The following AGBL4 variants were observed in gnomAD, a reference collection of about 807,000 sequenced individuals.
The protein encoded by AGBL4 is cytosolic carboxypeptidase 6.
AGBL4 carries 58 observed loss-of-function variants against 66.4 expected under a neutral mutation model. The ratio of observed to expected loss-of-function variants is 0.87; its 90% CI spans 0.71 to 1.09. The LOEUF (loss-of-function observed/expected upper bound fraction) is 1.09, where lower values mean the gene tolerates loss of function less well. AGBL4 is among the 50% of genes least tolerant of loss of function. The pLI is 0.00. For missense variants in AGBL4, 579 were observed against 631.0 expected (o/e 0.92, Z 0.88); for synonymous variants, 234 against 222.9 (o/e 1.05, Z -0.44).
rs1234816363 is a variant in AGBL4, at chr1:49,219,200, C to T, written c.377+26570G>A. On this transcript the variant is annotated intron_variant, in intron 4 of 13. Transcript: ENST00000371839. ...TTCTATGATGCACAGGATTGTCACC[C>T]ATCATGGGACAACACATTCTTCTTT... Among the ~76,000 whole-genome samples the T allele has an allele frequency of 3.3e-5, 5 of 152,116 alleles. No homozygotes were observed. In the East Asian group the frequency reaches 9.7e-4, roughly 29 times the overall value.
Position 48,533,781 on chromosome 1 carries a change from T to A in AGBL4, c.*392A>T, listed in dbSNP as rs1012475317. The stretch of plus-strand genomic sequence containing the variant: ...TTCTAAAGCTGTAAACAACCAAGCC[T>A]ATTTAAAAGGTAACCATCTGCAGTA... On this transcript the variant is annotated 3_prime_UTR_variant, in exon 14 of 14. Coordinates refer to ENST00000371839, the MANE Select transcript of AGBL4 (RefSeq NM_032785.4). 4.6e-6 allele frequency: 1 copy of A among 219,288 alleles called. No homozygotes were observed. The highest frequency in any genetic ancestry group is 1.3e-4 in the East Asian group (1 of 7,856). The allele number at this position is 219,288 out of a possible 1,614,324, so 13.6% of individuals were successfully genotyped here.
At chr1:48,600,401 A>T (rs1441463970) in intron 9 of AGBL4, among the ~76,000 whole-genome samples, 1 of 152,164 alleles carries the variant, frequency 6.6e-6, no homozygotes, top group Non-Finnish European at 1.5e-5. Context: ...ACCTTATCAG[A>T]TAGAAACATC....
intron 9 of AGBL4, among the ~76,000 whole-genome samples, chr1:48,620,610 G>A (rs1645397303): frequency 6.6e-6 from 1 of 152,082 alleles, no homozygotes; most frequent in Non-Finnish European, 1.5e-5. Flanking sequence ...AATAACCAGA[G>A]CTACAGCTGT....
chr1:48,993,833 A>G lies in AGBL4; in HGVS notation c.594+51751T>C, dbSNP rs1660796002. Among the ~76,000 whole-genome samples the G allele has an allele frequency of 2.6e-5, 4 of 152,158 alleles. No homozygotes were observed. The South Asian group carries it at 8.3e-4, about 32-fold the overall frequency. ...CAATCACTGCACTCTCCCTCCCTGA[A>G]GCACAAAGATTTCACATGATGCCAG... On this transcript the variant is annotated intron_variant, in intron 5 of 13. Transcript: ENST00000371839.
chr1:48,875,532 T>G (rs1649135542), intron 5 of AGBL4, among the ~76,000 whole-genome samples: 2 of 152,164 alleles, frequency 1.3e-5, no homozygotes, highest in African/African-American at 4.8e-5. Flanking sequence ...GTGAGATTGC[T>G]TCAATATATT....
chr1:48,845,058 C>T (rs910138914), intron 6 of AGBL4, among the ~76,000 whole-genome samples: 1 of 152,100 alleles, frequency 6.6e-6, no homozygotes, highest in Non-Finnish European at 1.5e-5. Flanking sequence ...TATGTTTTTT[C>T]TTGTATTAGG....
chr1:49,427,700 G>A (rs547076485), intron 3 of AGBL4, among the ~76,000 whole-genome samples: 1 of 152,188 alleles, frequency 6.6e-6, no homozygotes, highest in South Asian at 2.1e-4. Flanking sequence ...GACCCAAAGA[G>A]TGAGGAGCAG....
rs556946035 is a variant in AGBL4 at position 49,817,911 on chromosome 1, G to A, written c.157+33485C>T. ...TGCTTTTTCCGGGTTTGAGACATCC[G>A]AGTAATGTCATATATGTGAGCTGAT... On this transcript the variant is annotated intron_variant, in intron 2 of 13. Transcript: ENST00000371839. Among the ~76,000 whole-genome samples, 5 of 152,204 alleles carry A rather than the reference G, an allele frequency of 3.3e-5. 1 individual carries two copies. The South Asian group carries it at 8.3e-4, about 25-fold the overall frequency.
chr1:48,525,117 G>A, the AGBL4 span, among the ~76,000 whole-genome samples: 4 of 152,062 alleles, frequency 2.6e-5, no homozygotes, highest in Non-Finnish European at 5.9e-5. Context: ...CTCTGTCTCT[G>A]GCCTTATGCT....
At chr1:49,874,350 G>A (rs1379002899) in intron 1 of AGBL4, among the ~76,000 whole-genome samples, 4 of 151,816 alleles carry the variant, frequency 2.6e-5, no homozygotes, top group Non-Finnish European at 5.9e-5. Flanking sequence ...CAACTGGGAG[G>A]AGAAAAAAGG....
At chr1:48,825,461 T>C (rs1256803131) in intron 6 of AGBL4, among the ~76,000 whole-genome samples, 1 of 152,212 alleles carries the variant, frequency 6.6e-6, no homozygotes, top group Non-Finnish European at 1.5e-5. Context: ...ATTTTTTCTT[T>C]GCCCTGATTA....
At chr1:50,020,334 G>A (rs185171353) in intron 1 of AGBL4, among the ~76,000 whole-genome samples, 6 of 152,008 alleles carry the variant, frequency 3.9e-5, no homozygotes, top group Non-Finnish European at 7.4e-5. Flanking sequence ...AGTGAACTAC[G>A]GACATAACAT....
At chr1:49,184,087 G>T (rs951564510) in intron 4 of AGBL4, among the ~76,000 whole-genome samples, 1 of 151,948 alleles carries the variant, frequency 6.6e-6, no homozygotes, top group Non-Finnish European at 1.5e-5. Flanking sequence ...ATAAATAAAA[G>T]AAGAAAAAAA....
intron 6 of AGBL4, among the ~76,000 whole-genome samples, chr1:48,723,074 C>G (rs1337684180): frequency 6.6e-6 from 1 of 152,050 alleles, no homozygotes; most frequent in Non-Finnish European, 1.5e-5. Flanking sequence ...ACATGGCTGT[C>G]TAAATCCACG....
At chr1:49,379,284 G>C (rs931910771) in intron 3 of AGBL4, among the ~76,000 whole-genome samples, 2 of 152,046 alleles carry the variant, frequency 1.3e-5, no homozygotes. Context: ...GCCTAGAATG[G>C]TTTGTATGAA....
At chr1:49,683,472 C>A (rs1427291935) in intron 3 of AGBL4, among the ~76,000 whole-genome samples, 5 of 152,114 alleles carry the variant, frequency 3.3e-5, no homozygotes, top group Non-Finnish European at 7.4e-5. Flanking sequence ...AGCTCTATTT[C>A]ATAGAAATTT....
chr1:49,177,234 T>G (rs2148178311), intron 4 of AGBL4, among the ~76,000 whole-genome samples: 1 of 152,278 alleles, frequency 6.6e-6, no homozygotes, highest in South Asian at 2.1e-4. Flanking sequence ...AATAATGTCT[T>G]GAGTATGGAA....
intron 1 of AGBL4, among the ~76,000 whole-genome samples, chr1:49,992,159 C>T (rs1659998823): frequency 6.6e-6 from 1 of 152,034 alleles, no homozygotes; most frequent in African/African-American, 2.4e-5. Flanking sequence ...ATCACGAGGT[C>T]AGGAGATCGA....
At chr1:48,679,094 C>G (rs114140393) in intron 6 of AGBL4, among the ~76,000 whole-genome samples, 256 of 152,318 alleles carry the variant, frequency 1.7e-3, no homozygotes, top group Middle Eastern at 3.4e-3. Context: ...GCACGGGGTA[C>G]TGGGGAGCCC....
Sources: allele counts gnomAD v4.1 joint callset (sites outside exome capture counted in the v4.1 genomes callset), GRCh38; gene constraint gnomAD v4.1.1; transcripts MANE v1.5; gene names NCBI Gene and HGNC (gene_info 2026-07-23, HGNC 2026-07-21).